The following CWC27 variants were observed in gnomAD, a reference collection of about 807,000 sequenced individuals.
CWC27 encodes the protein spliceosome-associated protein CWC27 homolog.
Under a neutral mutation model 63.6 loss-of-function variants are expected in CWC27, and 47 were observed. The observed-to-expected ratio is 0.74, with a 90% CI of 0.58 to 0.94. CWC27 has a LOEUF of 0.94. CWC27 is among the 40% of genes least tolerant of loss of function. The pLI is 0.00. For missense variants in CWC27, 495 were observed against 554.3 expected (o/e 0.89, Z 1.07); for synonymous variants, 175 against 179.8 (o/e 0.97, Z 0.22).
At chr5:64,787,093 A>C (rs2112174251) in intron 6 of CWC27, among the ~76,000 whole-genome samples, 1 of 152,294 alleles carries the variant, frequency 6.6e-6, no homozygotes, top group East Asian at 1.9e-4. Flanking sequence ...TATCATGAGA[A>C]CAGCTTTGGG....
intron 1 of CWC27, among the ~76,000 whole-genome samples, chr5:64,773,130 G>C (rs1048106249): frequency 6.6e-6 from 1 of 152,096 alleles, no homozygotes; most frequent in Non-Finnish European, 1.5e-5. Context: ...TGGGAAGTCT[G>C]TCAAAAAAAT....
intron 10 of CWC27, among the ~76,000 whole-genome samples, chr5:64,810,905 A>C (rs1350412960): frequency 4.6e-5 from 7 of 152,132 alleles, no homozygotes; most frequent in Admixed American, 4.6e-4. Context: ...TTTAATCTTA[A>C]GAAAGATAAA....
intron 13 of CWC27, among the ~76,000 whole-genome samples, chr5:65,014,295 G>A (rs1750014760): frequency 6.8e-6 from 1 of 146,722 alleles, no homozygotes; most frequent in Non-Finnish European, 1.5e-5. Context: ...TATATATAGT[G>A]TATATACTGT....
chr5:64,877,659 A>G (rs1034796152), intron 10 of CWC27, among the ~76,000 whole-genome samples: 6 of 152,092 alleles, frequency 3.9e-5, no homozygotes, highest in Non-Finnish European at 7.4e-5. Flanking sequence ...ACAAAATACC[A>G]CATGTAGCCC....
intron 13 of CWC27, among the ~76,000 whole-genome samples, chr5:64,980,794 A>T (rs1212128226): frequency 1.3e-5 from 2 of 152,222 alleles, no homozygotes; most frequent in African/African-American, 2.4e-5. Context: ...TTATATAACT[A>T]AAAGATGTTC....
chr5:64,851,340 C>A (rs544116525), intron 10 of CWC27, among the ~76,000 whole-genome samples: 2 of 151,476 alleles, frequency 1.3e-5, no homozygotes, highest in South Asian at 4.2e-4. Flanking sequence ...TATGTGGACT[C>A]AAACAGTTAA....
At chr5:64,980,275 G>A (rs184745883) in intron 13 of CWC27, among the ~76,000 whole-genome samples, 190 of 152,252 alleles carry the variant, frequency 1.2e-3, no homozygotes, top group African/African-American at 4.4e-3. Flanking sequence ...GACTCATATA[G>A]CTGTAGACCC....
chr5:64,916,214 C>G (rs1293690377), intron 11 of CWC27, among the ~76,000 whole-genome samples: 2 of 152,114 alleles, frequency 1.3e-5, no homozygotes, highest in Admixed American at 6.5e-5. Context: ...CAAAATTTTG[C>G]AAAAGAATCC....
chr5:64,921,820 C>T (rs1748004343), intron 11 of CWC27, among the ~76,000 whole-genome samples: 1 of 152,182 alleles, frequency 6.6e-6, no homozygotes, highest in South Asian at 2.1e-4. Context: ...ATATGTAGCA[C>T]TCCCTTTGGG....
At chr5:64,863,641 C>T (rs1050913843) in intron 10 of CWC27, among the ~76,000 whole-genome samples, 1 of 152,072 alleles carries the variant, frequency 6.6e-6, no homozygotes, top group South Asian at 2.1e-4. Context: ...ACTATGGGAA[C>T]GCACCATCAT....
intron 13 of CWC27, among the ~76,000 whole-genome samples, chr5:64,988,598 G>C (rs1749478371): frequency 7.1e-6 from 1 of 140,000 alleles, no homozygotes; most frequent in African/African-American, 2.7e-5. Context: ...CTGGCTGTTA[G>C]ACTATTTTTT....
intron 11 of CWC27, among the ~76,000 whole-genome samples, chr5:64,957,224 G>A (rs1255123006): frequency 2.0e-5 from 3 of 152,092 alleles, no homozygotes; most frequent in African/African-American, 7.2e-5. Flanking sequence ...GCAATTTTAG[G>A]TAGTACTTCT....
At chr5:64,897,682 C>T (rs1264417141) in intron 11 of CWC27, among the ~76,000 whole-genome samples, 2 of 152,076 alleles carry the variant, frequency 1.3e-5, no homozygotes, top group Non-Finnish European at 2.9e-5. Context: ...ATGGCACATA[C>T]ATAGTTTGTT....
At chr5:65,004,501 T>C (rs1749792183) in intron 13 of CWC27, among the ~76,000 whole-genome samples, 1 of 151,594 alleles carries the variant, frequency 6.6e-6, no homozygotes, top group African/African-American at 2.4e-5. Context: ...TCAGTTTTTT[T>C]GTTTCATTGA....
At position 64,893,993 on chromosome 5, in the gene CWC27, G is replaced by C. The variant is rs564276608; in HGVS notation, c.1042+8447G>C. Among the ~76,000 whole-genome samples the C allele has an allele frequency of 5.4e-5, 8 of 149,422 alleles. No individual in the cohort carries two copies. In the South Asian group the frequency reaches 1.5e-3, roughly 28 times the overall value. On this transcript the variant is annotated intron_variant, in intron 11 of 13. Transcript: ENST00000381070. ...TGCTGAGGCTTGAGTGCAGTGGCAC[G>C]ATCTCCACTCACTGCAACTTCCTCC... is the stretch of plus-strand genomic sequence containing the variant.
chr5:64,796,673 C>A (rs1460211232), intron 7 of CWC27, among the ~76,000 whole-genome samples: 2 of 152,076 alleles, frequency 1.3e-5, no homozygotes, highest in Non-Finnish European at 2.9e-5. Context: ...ATAAAATTAT[C>A]CACACAGAGT....
chr5:64,823,848 T>G (rs1173907460), intron 10 of CWC27, among the ~76,000 whole-genome samples: 1 of 152,200 alleles, frequency 6.6e-6, no homozygotes, highest in Non-Finnish European at 1.5e-5. Context: ...AATGGTCTCT[T>G]TTAAGATAAT....
At chr5:64,887,861 T>TA (rs1234678508) in intron 11 of CWC27, among the ~76,000 whole-genome samples, 1 of 152,132 alleles carries the variant, frequency 6.6e-6, no homozygotes, top group Non-Finnish European at 1.5e-5. Flanking sequence ...TTAAAGGAAA[T>TA]ACAATTCTAA....
intron 11 of CWC27, among the ~76,000 whole-genome samples, chr5:64,927,305 A>G (rs1748136624): frequency 6.6e-6 from 1 of 152,240 alleles, no homozygotes; most frequent in Non-Finnish European, 1.5e-5. Flanking sequence ...AGCTGAATAA[A>G]TTCCACTATA....
Sources: gnomAD v4.1 joint callset for allele counts (sites outside exome capture counted in the v4.1 genomes callset) on GRCh38, gnomAD v4.1.1 for gene constraint, MANE v1.5 for transcripts, NCBI Gene and HGNC (gene_info 2026-07-23, HGNC 2026-07-21) for gene names.